The following DIAPH2 variants were observed in gnomAD, a reference collection of about 807,000 sequenced individuals.
The protein encoded by DIAPH2 is diaphanous related formin 2.
Under a neutral mutation model 92.7 loss-of-function variants are expected in DIAPH2, and 35 were observed. The observed-to-expected ratio is 0.38, with a 90% confidence interval of 0.29 to 0.50. The LOEUF (loss-of-function observed/expected upper bound fraction) is 0.50. Ranked by LOEUF, DIAPH2 falls within the 20% of genes least tolerant of loss-of-function variation. The probability of loss-of-function intolerance (pLI) is 0.94; values close to 1 mark genes in which losing one functional copy is unlikely to be tolerated. For missense variants in DIAPH2, 701 were observed against 819.5 expected, an observed-to-expected ratio of 0.86 and a Z score of 1.77; for synonymous variants, 301 against 280.4, an observed-to-expected ratio of 1.07 and a Z score of -0.73.
chrX:96,708,750 G>T (rs951009016), intron 1 of DIAPH2, among the ~76,000 whole-genome samples: 2 of 112,781 alleles, frequency 1.8e-5, no homozygotes, highest in Admixed American at 9.4e-5. Flanking sequence ...ATAAAGCCTG[G>T]CAGTGCAGTA....
At chrX:97,312,345 C>CATTTTTTT (rs202046146) in intron 23 of DIAPH2, among the ~76,000 whole-genome samples, 4 of 54,944 alleles carry the variant, frequency 7.3e-5, no homozygotes, top group Non-Finnish European at 9.2e-5. Context: ...CAATAGAATC[C>CATTTTTTT]TTTTTTTTTT....
Position 97,602,758 on chromosome X carries a change from T to A in DIAPH2, c.*3441T>A, listed in dbSNP as rs2071602908. 8.9e-6 allele frequency: 1 copy of A among 112,160 alleles called. No individual in the cohort carries two copies. The highest frequency in any genetic ancestry group is 3.2e-5 in the African/African-American group (1 of 30,810). 9.2% of individuals were successfully genotyped at this position (112,160 alleles called of 1,213,427 possible). On this transcript the variant is annotated 3_prime_UTR_variant, in exon 27 of 27. Coordinates refer to ENST00000324765, the MANE Select transcript of DIAPH2 (RefSeq NM_006729.5). ...CTCTCGGGATGGTGCTTCCTTTATC[T>A]TGAAGGGTGGCACATGTTTGCAGCT...
intron 22 of DIAPH2, among the ~76,000 whole-genome samples, chrX:97,156,439 C>G (rs972197170): frequency 1.1e-4 from 12 of 112,115 alleles, no homozygotes; most frequent in Non-Finnish European, 1.9e-4. Context: ...GAATTAACCT[C>G]CAGAAAGACA....
chrX:97,191,606 A>G (rs1477662284), intron 22 of DIAPH2, among the ~76,000 whole-genome samples: 1 of 111,964 alleles, frequency 8.9e-6, no homozygotes, highest in East Asian at 2.8e-4. Flanking sequence ...TTGTATTAGC[A>G]TGATATGTTA....
rs758016759 is a variant in DIAPH2 at position 97,183,147 on chromosome X, C to A, written c.2719+41353C>A. On this transcript the variant is annotated intron_variant, in intron 22 of 26. Transcript: ENST00000324765. ...CAATCTAAGTTTTTAAAAACTTTTG[C>A]GAATTTGTTTTTATTGGGGTATAAG... Among the ~76,000 whole-genome samples, 5 of 111,432 alleles carry A rather than the reference C, an allele frequency of 4.5e-5. No homozygotes were observed. In the South Asian group the frequency reaches 1.9e-3, roughly 42 times the overall value.
At chrX:97,251,294 A>G in intron 23 of DIAPH2, among the ~76,000 whole-genome samples, 1 of 111,943 alleles carries the variant, frequency 8.9e-6, no homozygotes, top group Non-Finnish European at 1.9e-5. Context: ...GTGCAGAAGT[A>G]TGACTGGTGG....
At chrX:96,755,610 G>A (rs1052401150) in intron 3 of DIAPH2, among the ~76,000 whole-genome samples, 1 of 110,204 alleles carries the variant, frequency 9.1e-6, no homozygotes, top group Non-Finnish European at 1.9e-5. Flanking sequence ...CCGAGATCGC[G>A]CCACTGCACT....
At chrX:97,069,754 C>T (rs2066657148) in intron 17 of DIAPH2, among the ~76,000 whole-genome samples, 1 of 111,955 alleles carries the variant, frequency 8.9e-6, no homozygotes, top group Non-Finnish European at 1.9e-5. Context: ...CTATGTAAAT[C>T]ATGCAATGTT....
chrX:97,343,889 T>C (rs1339636300), intron 23 of DIAPH2, among the ~76,000 whole-genome samples: 2 of 111,360 alleles, frequency 1.8e-5, no homozygotes, highest in Non-Finnish European at 3.8e-5. Context: ...AACAATACAC[T>C]GCTATATGAA....
intron 4 of DIAPH2, among the ~76,000 whole-genome samples, chrX:96,816,042 G>A (rs1157987296): frequency 9.0e-6 from 1 of 111,664 alleles, no homozygotes; most frequent in African/African-American, 3.3e-5. Context: ...TTTTTGATGA[G>A]TTTGACTACT....
intron 22 of DIAPH2, among the ~76,000 whole-genome samples, chrX:97,170,192 T>C (rs5921508): frequency 0.03 from 3,379 of 110,997 alleles, 50 homozygotes; most frequent in Non-Finnish European, 0.041. Context: ...AACCTGGACA[T>C]GTAAATCTGT....
At chrX:97,495,953 A>G (rs2070754776) in intron 26 of DIAPH2, among the ~76,000 whole-genome samples, 1 of 110,729 alleles carries the variant, frequency 9.0e-6, no homozygotes, top group Non-Finnish European at 1.9e-5. Flanking sequence ...ATTATACCTC[A>G]TTCCATATTG....
At chrX:96,714,074 A>T (rs1213686679) in intron 1 of DIAPH2, among the ~76,000 whole-genome samples, 1 of 111,067 alleles carries the variant, frequency 9.0e-6, no homozygotes, top group East Asian at 2.8e-4. Context: ...CAAAGTAGAT[A>T]TATCAAGGAT....
intron 25 of DIAPH2, among the ~76,000 whole-genome samples, chrX:97,405,519 G>A (rs2069800561): frequency 1.8e-5 from 2 of 111,763 alleles, no homozygotes; most frequent in Admixed American, 1.9e-4. Context: ...GACTCATGGG[G>A]GTTGGATTTG....
intron 4 of DIAPH2, among the ~76,000 whole-genome samples, chrX:96,817,141 T>A (rs767996688): frequency 8.9e-6 from 1 of 111,947 alleles, no homozygotes; most frequent in Non-Finnish European, 1.9e-5. Context: ...GAATAAGACC[T>A]AGTATTTGCT....
At chrX:96,882,679 G>A (rs755534443) in intron 5 of DIAPH2, among the ~76,000 whole-genome samples, 20 of 109,738 alleles carry the variant, frequency 1.8e-4, no homozygotes, top group Admixed American at 2.9e-4. Flanking sequence ...ATTCTTGGCC[G>A]GGCGTGGGGG....
At chrX:96,914,609 G>A (rs1049054974) in intron 7 of DIAPH2, among the ~76,000 whole-genome samples, 1 of 110,115 alleles carries the variant, frequency 9.1e-6, no homozygotes, top group Non-Finnish European at 1.9e-5. Flanking sequence ...AGGATGCTAA[G>A]TAATTTTAAT....
At position 97,490,288 on chromosome X, in the gene DIAPH2, CT is replaced by C. The variant is rs371647348; in HGVS notation, c.3241+60557del. On this transcript the variant is annotated intron_variant, in intron 26 of 26. Coordinates refer to ENST00000324765, the MANE Select transcript of DIAPH2 (RefSeq NM_006729.5). Reference sequence around the variant, plus strand: ...TCATCTTTCATTTCTGATTTTGAATCTTTTTTTTTTTTTTAGTATAAGGATT... The same window carrying C: ...TCATCTTTCATTTCTGATTTTGAATCTTTTTTTTTTTTTAGTATAAGGATT... 9.2e-3 allele frequency among the ~76,000 whole-genome samples: 828 copies of C among 90,028 alleles called. 5 individuals carry two copies. Among genetic ancestry groups the C allele is most frequent in the South Asian group, 9.0e-3 (18 of 2,009 alleles). The allele number at this position is 90,028 out of a possible 115,157, so 78.2% of individuals were successfully genotyped here. A position where few individuals can be genotyped will look rare whatever the true frequency, so the allele number is the denominator to read the frequency against.
chrX:96,981,083 A>G (rs908392321), intron 17 of DIAPH2, among the ~76,000 whole-genome samples: 14 of 109,666 alleles, frequency 1.3e-4, no homozygotes, highest in Admixed American at 7.8e-4. Context: ...TGAGGTGGAA[A>G]AATCACCTGA....
Sources: gnomAD v4.1 joint callset for allele counts (sites outside exome capture counted in the v4.1 genomes callset) on GRCh38, gnomAD v4.1.1 for gene constraint, MANE v1.5 for transcripts, NCBI Gene and HGNC (gene_info 2026-07-23, HGNC 2026-07-21) for gene names.